RIC8B: variants seen among roughly 807,000 people sequenced by gnomAD.
The protein encoded by RIC8B is RIC8 guanine nucleotide exchange factor B.
RIC8B carries 16 observed loss-of-function variants against 57.5 expected under a neutral mutation model. The ratio of observed to expected loss-of-function variants is 0.28; its 90% confidence interval spans 0.19 to 0.42. The LOEUF is 0.42. RIC8B is among the 10% of genes least tolerant of loss of function. RIC8B has a pLI of 1.00. For missense variants in RIC8B, 481 were observed against 677.0 expected (o/e 0.71, Z 3.21); for synonymous variants, 216 against 250.8 (o/e 0.86, Z 1.31).
chr12:106,886,187 T>C lies in RIC8B; in HGVS notation c.*172T>C, dbSNP rs1951177937. On this transcript the variant is annotated 3_prime_UTR_variant, in exon 10 of 10. Transcript: ENST00000392837. ...AGAGGTGACCCTGTGTTTTTTGTGA[T>C]ATTGAGGCATTCATACAGAGCTGCA... 5.1e-6 allele frequency: 3 copies of C among 586,504 alleles called. No individual in the cohort carries two copies. Among genetic ancestry groups the C allele is most frequent in the Non-Finnish European group, 9.0e-6 (3 of 332,714 alleles). 36.3% of individuals were successfully genotyped at this position (586,504 alleles called of 1,614,324 possible).
chr12:106,783,471 T>C (rs1441049203), intron 1 of RIC8B, among the ~76,000 whole-genome samples: 3 of 152,232 alleles, frequency 2.0e-5, no homozygotes, highest in Non-Finnish European at 4.4e-5. Context: ...TGATTTCTTA[T>C]TGCATATGAA....
At chr12:106,786,609 A>G (rs1304348555) in intron 2 of RIC8B, among the ~76,000 whole-genome samples, 1 of 152,226 alleles carries the variant, frequency 6.6e-6, no homozygotes, top group Non-Finnish European at 1.5e-5. Flanking sequence ...TTAGAAATCT[A>G]TTCTGCAGAT....
intron 4 of RIC8B, among the ~76,000 whole-genome samples, chr12:106,835,811 A>T (rs915005295): frequency 1.3e-5 from 2 of 152,262 alleles, no homozygotes; most frequent in African/African-American, 4.8e-5. Context: ...CAGCACATTT[A>T]GAGAACAATG....
chr12:106,876,851 TTC>T (rs1950687971), intron 9 of RIC8B, among the ~76,000 whole-genome samples: 1 of 152,128 alleles, frequency 6.6e-6, no homozygotes, highest in South Asian at 2.1e-4. Flanking sequence ...CGTTAAGAAC[TTC>T]TGTTTCTACT....
chr12:106,863,313 AACAC>A (rs1950014017), intron 8 of RIC8B, among the ~76,000 whole-genome samples: 1 of 152,238 alleles, frequency 6.6e-6, no homozygotes, highest in East Asian at 1.9e-4. Flanking sequence ...TTGCACACTT[AACAC>A]ACCACACCAG....
intron 9 of RIC8B, chr12:106,871,471 T>TAAAAAAAAAAAAAAAAAAAAA (rs1387727022): frequency 6.5e-5 from 2 of 30,918 alleles, no homozygotes; most frequent in Non-Finnish European, 1.1e-4. Flanking sequence ...TTAGGAGTTC[T>TAAAAAAAAAAAAAAAAAAAAA]AAAAAAAAAA....
At chr12:106,854,312 TTAAAATAAAA>T (rs146367995) in intron 7 of RIC8B, among the ~76,000 whole-genome samples, 42 of 151,938 alleles carry the variant, frequency 2.8e-4, no homozygotes, top group African/African-American at 8.2e-4. Flanking sequence ...AGGTAGACTA[TTAAAATAAAA>T]TAAAATAAAA....
intron 8 of RIC8B, among the ~76,000 whole-genome samples, chr12:106,860,714 T>C (rs1346578933): frequency 1.3e-5 from 2 of 152,128 alleles, no homozygotes; most frequent in Non-Finnish European, 2.9e-5. Context: ...TGCTTTCCTT[T>C]CCATAGGTTA....
At chr12:106,801,434 T>G (rs893193416) in intron 2 of RIC8B, among the ~76,000 whole-genome samples, 55 of 152,280 alleles carry the variant, frequency 3.6e-4, no homozygotes, top group African/African-American at 1.2e-3. Flanking sequence ...TTTTGACAGA[T>G]CACCATGATA....
intron 2 of RIC8B, among the ~76,000 whole-genome samples, chr12:106,813,265 A>G (rs1337130042): frequency 7.3e-6 from 1 of 136,120 alleles, no homozygotes; most frequent in African/African-American, 2.8e-5. Flanking sequence ...ATCTTGGCTC[A>G]CTGCAACCTC....
chr12:106,833,813 G>A lies in RIC8B; in HGVS notation c.836+7993G>A, dbSNP rs1033600925. ...AATGTTGGAGGTGGGCCTAGTGGGA[G>A]GTGTTTGAGTCATGGGGGTGGATCC... On this transcript the variant is annotated intron_variant, in intron 4 of 9. Transcript: ENST00000392837. 1.3e-5 allele frequency among the ~76,000 whole-genome samples: 2 copies of A among 152,114 alleles called. 1 individual carries two copies. Among genetic ancestry groups the A allele is most frequent in the African/African-American group, 4.8e-5 (2 of 41,414 alleles).
At chr12:106,798,057 C>T (rs2044565172) in intron 2 of RIC8B, 1 of 716,868 alleles carries the variant, frequency 1.4e-6, no homozygotes, top group Admixed American at 2.0e-5. Context: ...AACAGAAGAT[C>T]ATGCTTGCCA....
At chr12:106,813,330 A>G (rs1163268462) in intron 2 of RIC8B, among the ~76,000 whole-genome samples, 1 of 151,398 alleles carries the variant, frequency 6.6e-6, no homozygotes, top group African/African-American at 2.4e-5. Context: ...AGCTGAGATT[A>G]CAGGCACGTG....
In RIC8B at chr12:106,836,281, A is replaced by G. The variant is rs542364976; in HGVS notation, c.837-6308A>G. ...TCTTTTAATCCACACTCACTCCTTT[A>G]CTGATCTAATACAGTCTTCTCTTTA... is the stretch of plus-strand genomic sequence containing the variant. On this transcript the variant is annotated intron_variant, in intron 4 of 9. Coordinates refer to ENST00000392837, the MANE Select transcript of RIC8B (RefSeq NM_001330145.2). Among the ~76,000 whole-genome samples, 4 of 152,152 alleles carry G rather than the reference A, an allele frequency of 2.6e-5. No individual in the cohort carries two copies. In the South Asian group the frequency reaches 8.3e-4, roughly 32 times the overall value.
At chr12:106,829,081 A>G (rs1339642367) in intron 4 of RIC8B, among the ~76,000 whole-genome samples, 1 of 152,244 alleles carries the variant, frequency 6.6e-6, no homozygotes, top group Non-Finnish European at 1.5e-5. Context: ...TCGTAAAGAC[A>G]GCAGACCTTG....
intron 2 of RIC8B, among the ~76,000 whole-genome samples, chr12:106,810,275 A>G (rs1317550568): frequency 2.0e-5 from 3 of 149,330 alleles, no homozygotes; most frequent in Admixed American, 1.3e-4. Context: ...AGAAGTGTCT[A>G]AATCATACAG....
At chr12:106,836,582 G>A (rs2136387129) in intron 4 of RIC8B, among the ~76,000 whole-genome samples, 1 of 152,302 alleles carries the variant, frequency 6.6e-6, no homozygotes, top group African/African-American at 2.4e-5. Context: ...ACACTAGCCT[G>A]TCAGGAAATC....
At chr12:106,809,448 C>T (rs1210756596) in intron 2 of RIC8B, among the ~76,000 whole-genome samples, 1 of 149,082 alleles carries the variant, frequency 6.7e-6, no homozygotes, top group African/African-American at 2.5e-5. Flanking sequence ...ACTTGAACTC[C>T]GAAGGCGGAG....
rs369307631 is a variant in RIC8B, at chr12:106,869,767, C to T, written c.1452-1056C>T. On this transcript the variant is annotated intron_variant, in intron 8 of 9. Coordinates refer to ENST00000392837, the MANE Select transcript of RIC8B (RefSeq NM_001330145.2). The stretch of plus-strand genomic sequence containing the variant: ...CAGCCAGGCCAACATGGTGAAACCC[C>T]GTCTCTACTAAAAATACAAAAATTA... Among the ~76,000 whole-genome samples the T allele has an allele frequency of 1.2e-4, 18 of 152,146 alleles. No individual in the cohort carries two copies. The East Asian group carries it at 2.3e-3, about 20-fold the overall frequency.
Sources: gnomAD v4.1 joint callset for allele counts (sites outside exome capture counted in the v4.1 genomes callset) on GRCh38, gnomAD v4.1.1 for gene constraint, MANE v1.5 for transcripts, NCBI Gene and HGNC (gene_info 2026-07-23, HGNC 2026-07-21) for gene names.